The following MYO5B variants were observed in gnomAD, a reference collection of about 807,000 sequenced individuals.
MYO5B encodes unconventional myosin-Vb.
A neutral mutation model predicts 229.3 loss-of-function variants in MYO5B; 143 were observed. The ratio of observed to expected loss-of-function variants is 0.62; its 90% CI spans 0.54 to 0.72. The LOEUF (loss-of-function observed/expected upper bound fraction) is 0.72. MYO5B is among the 30% of genes least tolerant of loss of function. The pLI is 0.00. For missense variants in MYO5B, 2,321 were observed against 2,331.0 expected, an observed-to-expected ratio of 1.00 and a Z score of 0.09; for synonymous variants, 918 against 885.2, an observed-to-expected ratio of 1.04 and a Z score of -0.66.
At chr18:50,119,226 AC>A (rs1224473158) in intron 1 of MYO5B, among the ~76,000 whole-genome samples, 1 of 152,202 alleles carries the variant, frequency 6.6e-6, no homozygotes, top group African/African-American at 2.4e-5. Flanking sequence ...AGAGGGGCCC[AC>A]ATGGAGCTGC....
chr18:50,179,008 A>G (rs1018271418), intron 1 of MYO5B, among the ~76,000 whole-genome samples: 2 of 152,202 alleles, frequency 1.3e-5, no homozygotes, highest in African/African-American at 4.8e-5. Context: ...GAGGACCTAG[A>G]ACACTTTTAG....
At chr18:49,874,545 C>A (rs1321403840) in intron 26 of MYO5B, among the ~76,000 whole-genome samples, 2 of 152,208 alleles carry the variant, frequency 1.3e-5, no homozygotes, top group African/African-American at 4.8e-5. Flanking sequence ...TCCCCACTTA[C>A]TGCTCAGGGG....
At chr18:50,031,517 A>C (rs916865281) in intron 4 of MYO5B, among the ~76,000 whole-genome samples, 2 of 152,210 alleles carry the variant, frequency 1.3e-5, no homozygotes, top group African/African-American at 4.8e-5. Context: ...CACTGGGGTA[A>C]AGCATGGAAG....
At chr18:50,152,548 T>G (rs1337637232) in intron 1 of MYO5B, among the ~76,000 whole-genome samples, 1 of 152,116 alleles carries the variant, frequency 6.6e-6, no homozygotes, top group Non-Finnish European at 1.5e-5. Flanking sequence ...AAAAGCATAC[T>G]CCATTATCCC....
rs1310794406 is a variant in MYO5B, at chr18:50,150,691, G to C, written c.27+44076C>G. Among the ~76,000 whole-genome samples, 6 of 152,292 alleles carry C rather than the reference G, an allele frequency of 3.9e-5. No homozygotes were observed. In the East Asian group the frequency reaches 7.7e-4, roughly 20 times the overall value. ...CACTCTGGGGACTGTTGTGGGATTG[G>C]GGGAGTGGGGAGGGATAGCATTGGG... On this transcript the variant is annotated intron_variant, in intron 1 of 39. Coordinates refer to ENST00000285039, the MANE Select transcript of MYO5B (RefSeq NM_001080467.3).
At chr18:50,008,018 T>A (rs1440985897) in intron 4 of MYO5B, among the ~76,000 whole-genome samples, 1 of 152,210 alleles carries the variant, frequency 6.6e-6, no homozygotes, top group Non-Finnish European at 1.5e-5. Flanking sequence ...CACCAGGTTA[T>A]GCTGGTGGAA....
intron 27 of MYO5B, among the ~76,000 whole-genome samples, chr18:49,869,615 A>G (rs990800030): frequency 1.3e-5 from 2 of 152,176 alleles, no homozygotes; most frequent in Non-Finnish European, 2.9e-5. Flanking sequence ...CTGTAAAATC[A>G]AGAAGGGGCA....
chr18:50,080,214 C>T (rs1006236142), intron 1 of MYO5B, among the ~76,000 whole-genome samples: 4 of 152,024 alleles, frequency 2.6e-5, no homozygotes, highest in African/African-American at 4.8e-5. Context: ...CTCAGCAAGC[C>T]CTTGGGAGCA....
intron 21 of MYO5B, among the ~76,000 whole-genome samples, chr18:49,900,724 C>T (rs1055735308): frequency 6.6e-6 from 1 of 152,228 alleles, no homozygotes; most frequent in African/African-American, 2.4e-5. Flanking sequence ...ACACACTCTT[C>T]ATGTCCTTTC....
At chr18:50,193,603 T>TA (rs2033257773) in intron 1 of MYO5B, among the ~76,000 whole-genome samples, 1 of 151,794 alleles carries the variant, frequency 6.6e-6, no homozygotes, top group African/African-American at 2.4e-5. Context: ...CCCGGGCGGG[T>TA]GTCCCGGGAA....
At chr18:49,990,306 A>G (rs1006028476) in intron 7 of MYO5B, 133 bp downstream of exon 7, 1 of 728,786 alleles carries the variant, frequency 1.4e-6, no homozygotes, top group Middle Eastern at 3.6e-4. Flanking sequence ...AGAGAGGCCT[A>G]GGGGTTATGG....
At chr18:50,030,145 G>A (rs966836245) in intron 4 of MYO5B, among the ~76,000 whole-genome samples, 6 of 152,230 alleles carry the variant, frequency 3.9e-5, no homozygotes, top group Non-Finnish European at 8.8e-5. Flanking sequence ...GCAGCCTGGA[G>A]TTGATTGCAA....
intron 21 of MYO5B, among the ~76,000 whole-genome samples, chr18:49,897,421 CA>C (rs1467586338): frequency 6.6e-6 from 1 of 151,006 alleles, no homozygotes; most frequent in Non-Finnish European, 1.5e-5. Flanking sequence ...TAGTTTTTAA[CA>C]AAAAAAAGTA....
At position 50,152,049 on chromosome 18, in the gene MYO5B, C is replaced by T. The variant is rs184053170; in HGVS notation, c.27+42718G>A. Among the ~76,000 whole-genome samples the T allele has an allele frequency of 3.8e-4, 58 of 152,304 alleles. No individual in the cohort carries two copies. In the South Asian group the frequency reaches 4.1e-3, roughly 11 times the overall value. On this transcript the variant is annotated intron_variant, in intron 1 of 39. Coordinates refer to ENST00000285039, the MANE Select transcript of MYO5B (RefSeq NM_001080467.3). Reference sequence around the variant, plus strand: ...TGAGAGAGATGACGGAAATGAATTACGTAAACAAGAGTGCTGAGTCATCAA... The same window carrying T: ...TGAGAGAGATGACGGAAATGAATTATGTAAACAAGAGTGCTGAGTCATCAA...
At chr18:50,007,966 C>T (rs1024301633) in intron 4 of MYO5B, among the ~76,000 whole-genome samples, 1 of 152,106 alleles carries the variant, frequency 6.6e-6, no homozygotes, top group Non-Finnish European at 1.5e-5. Flanking sequence ...AGACACTGAG[C>T]CCGGATTCAA....
intron 39 of MYO5B, among the ~76,000 whole-genome samples, chr18:49,831,171 G>A (rs2023915695): frequency 6.6e-6 from 1 of 152,056 alleles, no homozygotes; most frequent in Non-Finnish European, 1.5e-5. Flanking sequence ...AACTTAAAGG[G>A]AGCTAAATCT....
chr18:49,965,904 A>G (rs893286093), intron 10 of MYO5B, among the ~76,000 whole-genome samples: 2 of 152,236 alleles, frequency 1.3e-5, no homozygotes, highest in African/African-American at 2.4e-5. Flanking sequence ...AGCGATGGAC[A>G]CAGGCTCCAT....
At chr18:49,979,698 C>G (rs1392246627) in intron 9 of MYO5B, among the ~76,000 whole-genome samples, 4 of 152,214 alleles carry the variant, frequency 2.6e-5, no homozygotes, top group Non-Finnish European at 5.9e-5. Flanking sequence ...TGTACCTCCC[C>G]AGAACCTGGC....
At chr18:49,953,526 A>G (rs1361661758) in intron 13 of MYO5B, among the ~76,000 whole-genome samples, 183 bp from the exon 14 acceptor site, 4 of 152,242 alleles carry the variant, frequency 2.6e-5, no homozygotes, top group African/African-American at 9.6e-5. Context: ...GGAACTGAGT[A>G]TTCATTTTGT....
Sources: gnomAD v4.1 joint callset for allele counts (sites outside exome capture counted in the v4.1 genomes callset) on GRCh38, gnomAD v4.1.1 for gene constraint, MANE v1.5 for transcripts, NCBI Gene and HGNC (gene_info 2026-07-23, HGNC 2026-07-21) for gene names.